Variants in TTC14 observed in about 807,000 individuals in gnomAD.
TTC14 encodes the protein tetratricopeptide repeat protein 14.
Under a neutral mutation model 79.9 loss-of-function variants are expected in TTC14, and 63 were observed. The ratio of observed to expected loss-of-function variants is 0.79; its 90% CI spans 0.64 to 0.97. The LOEUF (loss-of-function observed/expected upper bound fraction) is 0.97, where lower values mean the gene tolerates loss of function less well. Among genes scored for constraint, TTC14 ranks in the 50% least tolerant of loss-of-function variants. TTC14 has a pLI of 0.00. For missense variants in TTC14, 895 were observed against 894.0 expected (o/e 1.00, Z -0.01); for synonymous variants, 335 against 309.6 (o/e 1.08, Z -0.86).
At chr3:180,609,380 A>G in intron 11 of TTC14, 1 of 1,169,926 alleles carries the variant, frequency 8.5e-7, no homozygotes, top group Non-Finnish European at 1.1e-6. Flanking sequence ...TAAGTTTTTA[A>G]GGTAGTGTTG....
downstream of TTC14, among the ~76,000 whole-genome samples, chr3:180,617,987 T>A (rs1016583685): frequency 6.6e-6 from 1 of 152,156 alleles, no homozygotes; most frequent in African/African-American, 2.4e-5. Context: ...ACCATTTTTT[T>A]AATCCATTAT....
Position 180,604,318 on chromosome 3 carries a change from T to C in TTC14, c.571+9T>C, listed in dbSNP as rs766227073. ...TGGTGACATCATTCGAGGTGATTAG[T>C]TTCATCATACTAATAAAAAAGTAAT... is the stretch of plus-strand genomic sequence containing the variant. On this transcript the variant is annotated intron_variant, in intron 4 of 11. Coordinates refer to ENST00000296015, the MANE Select transcript of TTC14 (RefSeq NM_133462.4). 4.3e-6 allele frequency: 7 copies of C among 1,609,290 alleles called. No individual in the cohort carries two copies. In the Admixed American group the frequency reaches 6.7e-5, roughly 15 times the overall value.
chr3:180,604,157 G>A, intron 3 of TTC14, 68 bp from the exon 4 acceptor site: 1 of 1,363,746 alleles, frequency 7.3e-7, no homozygotes, highest in Non-Finnish European at 1.0e-6. Context: ...AAACAACTAA[G>A]ATAAAAGAAG....
At chr3:180,613,985 TGAA>T (rs1717120337), downstream of TTC14, 1 of 381,450 alleles carries the variant, frequency 2.6e-6, no homozygotes, top group African/African-American at 2.1e-5. Context: ...TCCCAAGGTT[TGAA>T]GGAGACACAT....
At chr3:180,602,539 G>A (rs1414239835) in intron 1 of TTC14, 117 bp downstream of exon 1, 17 of 1,349,646 alleles carry the variant, frequency 1.3e-5, no homozygotes, top group Non-Finnish European at 1.7e-5. Flanking sequence ...AGCACAGGAC[G>A]ATCGCGCGCT....
Position 180,610,566 on chromosome 3 carries a change from T to G in TTC14, c.*24T>G, listed in dbSNP as rs774350483. On this transcript the variant is annotated 3_prime_UTR_variant, in exon 12 of 12. Transcript: ENST00000296015. ...AATACACCAAGGATATCGGCACCAT[T>G]ACACAAAATGCCATTAAGTGAAGTT... 6.5e-7 allele frequency: 1 copy of G among 1,531,332 alleles called. No individual in the cohort carries two copies. The highest frequency in any genetic ancestry group is 1.3e-5 in the South Asian group (1 of 74,256). 94.9% of individuals were successfully genotyped at this position (1,531,332 alleles called of 1,614,324 possible).
At chr3:180,608,038 T>C in intron 10 of TTC14, 1 of 1,117,660 alleles carries the variant, frequency 8.9e-7, no homozygotes, top group Non-Finnish European at 1.1e-6. Context: ...CCTGGTGGTT[T>C]TTAAATTATT....
At chr3:180,606,644 C>G (rs765166142) in intron 9 of TTC14, 41 bp downstream of exon 9, 1 of 1,554,460 alleles carries the variant, frequency 6.4e-7, no homozygotes, top group East Asian at 2.3e-5. Context: ...GTCTAATGTT[C>G]AACCAACCAC....
Position 180,604,949 on chromosome 3 carries a change from C to T in TTC14, c.799C>T (p.Leu267=), listed in dbSNP as rs1716594452. The T allele has an allele frequency of 6.2e-7, 1 of 1,613,908 alleles. No individual in the cohort carries two copies. Among genetic ancestry groups the T allele is most frequent in the Non-Finnish European group, 8.5e-7 (1 of 1,179,940 alleles). Residue 267 remains leucine (L), a synonymous_variant, in exon 6 of 12, where the codon CTA becomes TTA. Transcript: ENST00000296015. ...TAATCCAGGAGTAGTTGAATTCCTT[C>T]TAGAAAAACTAGGAATAGATGAATC... ...FVNPGVVEFL[L]EKLGIDESNP... is the part of the protein sequence containing the mutation.
At position 180,609,903 on chromosome 3, in the gene TTC14, G is replaced by A; in HGVS notation, c.1674G>A (p.Leu558=). 2 of 1,613,928 alleles carry A rather than the reference G, an allele frequency of 1.2e-6. No homozygotes were observed. The highest frequency in any genetic ancestry group is 1.7e-6 in the Non-Finnish European group (2 of 1,179,910). The change falls in exon 12 of 12, where the codon CTG becomes CTA. Residue 558 remains leucine (L), a synonymous_variant. Transcript: ENST00000296015. Reference sequence around the variant, plus strand: ...ATAAACAAGAAGTGGAGAAACTACTGGGGAAGCAGGATAGGTTACAGTATG... The same window carrying A: ...ATAAACAAGAAGTGGAGAAACTACTAGGGAAGCAGGATAGGTTACAGTATG... ...LNHKQEVEKL[L]GKQDRLQYEK... is the part of the protein sequence containing the mutation.
chr3:180,604,721 T>A, intron 5 of TTC14, 114 bp downstream of exon 5: 2 of 1,422,482 alleles, frequency 1.4e-6, no homozygotes, highest in Non-Finnish European at 9.5e-7. Context: ...GGAAACCATA[T>A]CATAATATTG....
At chr3:180,615,809 A>T (rs1304469268), downstream of TTC14, among the ~76,000 whole-genome samples, 1 of 152,186 alleles carries the variant, frequency 6.6e-6, no homozygotes, top group Non-Finnish European at 1.5e-5. Context: ...GAAGAAAAAA[A>T]AAGGGGTTTC....
In TTC14 at chr3:180,610,047, C is replaced by G; in HGVS notation, c.1818C>G (p.Thr606=). Residue 606 remains threonine (T), a synonymous_variant, in exon 12 of 12, where the codon ACC becomes ACG. Coordinates refer to ENST00000296015, the MANE Select transcript of TTC14 (RefSeq NM_133462.4). Reference sequence around the variant, plus strand: ...GAGATTTTTATAACAGCTATAAAACCCAAGCAGGTAGTAGCAAAACAGAAA... The same window carrying G: ...GAGATTTTTATAACAGCTATAAAACGCAAGCAGGTAGTAGCAAAACAGAAA... The part of the protein sequence containing the change: ...DPRDFYNSYK[T]QAGSSKTEKP... The G allele has an allele frequency of 6.2e-7, 1 of 1,613,774 alleles. No homozygotes were observed. Among genetic ancestry groups the G allele is most frequent in the Non-Finnish European group, 8.5e-7 (1 of 1,179,888 alleles).
Position 180,609,782 on chromosome 3 carries a change from G to C in TTC14, c.1553G>C (p.Arg518Thr). ...NRSESSRSSR[R>T]HSSRASSNQI... is the part of the protein sequence containing the mutation. ...TCAGAGTCTTCTCGCAGTTCCAGAAGGCATTCATCTAGGGCATCCTCAAAT... is the reference window on the plus strand; with the variant it reads ...TCAGAGTCTTCTCGCAGTTCCAGAACGCATTCATCTAGGGCATCCTCAAAT... Residue 518 changes from arginine to threonine, a missense_variant, in exon 12 of 12, where the codon AGG (arginine) becomes ACG (threonine). Arg to Thr is a moderately conservative substitution (Grantham distance 71). Transcript: ENST00000296015. 6.2e-7 allele frequency: 1 copy of C among 1,613,934 alleles called. No individual in the cohort carries two copies. Among genetic ancestry groups the C allele is most frequent in the East Asian group, 2.2e-5 (1 of 44,856 alleles).
At chr3:180,614,301 G>GTCA (rs1286216009), downstream of TTC14, 1 of 142,972 alleles carries the variant, frequency 7.0e-6, no homozygotes, top group African/African-American at 2.6e-5. Context: ...TTATTTCAAG[G>GTCA]TCAGAAGTGA....
chr3:180,604,386 C>CT lies in TTC14; in HGVS notation c.571+78dup. The CT allele has an allele frequency of 3.9e-6, 6 of 1,550,140 alleles. 1 individual carries two copies. In the South Asian group the frequency reaches 5.9e-5, roughly 15 times the overall value. On this transcript the variant is annotated intron_variant, in intron 4 of 11. Coordinates refer to ENST00000296015, the MANE Select transcript of TTC14 (RefSeq NM_133462.4). ...TTTTATTAATTTAAAAAAATACAGT[C>CT]TAAGAGGGTAGTGTTTGGGAAAGTT...
chr3:180,610,649 G>C lies in TTC14; in HGVS notation c.*107G>C, dbSNP rs895411006. The C allele has an allele frequency of 6.8e-7, 1 of 1,470,014 alleles. No homozygotes were observed. The highest frequency in any genetic ancestry group is 9.0e-7 in the Non-Finnish European group (1 of 1,115,560). The allele number at this position is 1,470,014 out of a possible 1,614,324, so 91.1% of individuals were successfully genotyped here. A position where few individuals can be genotyped will look rare whatever the true frequency, so the allele number is the denominator to read the frequency against. On this transcript the variant is annotated 3_prime_UTR_variant, in exon 12 of 12. Transcript: ENST00000296015. Reference sequence around the variant, plus strand: ...GAAATCTCTGCTTCTAAAATTATTTGTAGAGATTACAGGAAACAAATGCTT... The same window carrying C: ...GAAATCTCTGCTTCTAAAATTATTTCTAGAGATTACAGGAAACAAATGCTT...
rs1411277563 is a variant in TTC14 at position 180,609,890 on chromosome 3, T to G, written c.1661T>G (p.Val554Gly). 1.2e-6 allele frequency: 2 copies of G among 1,613,760 alleles called. No homozygotes were observed. The highest frequency in any genetic ancestry group is 4.5e-5 in the East Asian group (2 of 44,836). The change falls in exon 12 of 12, where the codon GTG (valine) becomes GGG (glycine). Residue 554 changes from valine to glycine, a missense_variant. Physicochemically the swap from Val to Gly is moderately radical, Grantham distance 109. Transcript: ENST00000296015. ...SASFLNHKQEVEKLLGKQDRL... is the reference protein window; with the variant it reads ...SASFLNHKQEGEKLLGKQDRL... ...TCTTTTCTTAACCATAAACAAGAAG[T>G]GGAGAAACTACTGGGGAAGCAGGAT...
chr3:180,604,225 G>C lies in TTC14; in HGVS notation c.487G>C (p.Ala163Pro), dbSNP rs894912672. The change falls in exon 4 of 12, where the codon GCT (alanine) becomes CCT (proline). Residue 163 changes from alanine (A) to proline (P), a missense_variant and splice_region_variant. Ala to Pro is a conservative substitution (Grantham distance 27). Transcript: ENST00000296015. Reference sequence around the variant, plus strand: ...TGTTTTAAAATACTTCTCATTACAGGCTCTTTGTCCCTTAAGAGATGTGCC... The same window carrying C: ...TGTTTTAAAATACTTCTCATTACAGCCTCTTTGTCCCTTAAGAGATGTGCC... The part of the protein sequence containing the change: ...MRDIAHLEIT[A>P]LCPLRDVPSH... The C allele has an allele frequency of 1.2e-6, 2 of 1,611,036 alleles. No individual in the cohort carries two copies. Among genetic ancestry groups the C allele is most frequent in the Non-Finnish European group, 1.7e-6 (2 of 1,178,314 alleles).
Sources: gnomAD v4.1 joint callset for allele counts (sites outside exome capture counted in the v4.1 genomes callset) on GRCh38, gnomAD v4.1.1 for gene constraint, MANE v1.5 for transcripts, NCBI Gene and HGNC (gene_info 2026-07-23, HGNC 2026-07-21) for gene names.